KCNQ5: variants seen among roughly 807,000 people sequenced by gnomAD.
KCNQ5 encodes potassium voltage-gated channel subfamily Q member 5, also known as potassium voltage-gated channel subfamily KQT member 5.
A neutral mutation model predicts 98.2 loss-of-function variants in KCNQ5; 30 were observed. The ratio of observed to expected loss-of-function variants is 0.31; its 90% CI spans 0.23 to 0.41. KCNQ5 has a LOEUF of 0.41. Among genes scored for constraint, KCNQ5 ranks in the 10% least tolerant of loss-of-function variants. The pLI, the probability that KCNQ5 is intolerant of heterozygous loss-of-function variation, is 1.00. For synonymous variants in KCNQ5, 458 were observed against 449.4 expected (o/e 1.02, Z -0.24); for missense variants, 835 against 1,182.5 (o/e 0.71, Z 4.31).
intron 2 of KCNQ5, among the ~76,000 whole-genome samples, chr6:73,015,744 T>C (rs1314625283): frequency 6.6e-6 from 1 of 152,144 alleles, no homozygotes; most frequent in East Asian, 1.9e-4. Context: ...CAAGGTAGTA[T>C]GATAAATTTT....
chr6:72,711,580 G>T (rs878934884), intron 1 of KCNQ5, among the ~76,000 whole-genome samples: 1 of 152,076 alleles, frequency 6.6e-6, no homozygotes, highest in Admixed American at 6.6e-5. Context: ...GAAGGATTTT[G>T]GCCTTTATCC....
At chr6:72,792,435 T>C (rs1326298907) in intron 1 of KCNQ5, among the ~76,000 whole-genome samples, 2 of 152,204 alleles carry the variant, frequency 1.3e-5, no homozygotes, top group Non-Finnish European at 1.5e-5. Context: ...TCATAGGTCT[T>C]TTACAGTTAA....
intron 1 of KCNQ5, among the ~76,000 whole-genome samples, chr6:73,000,253 G>T (rs1371485380): frequency 6.6e-6 from 1 of 152,168 alleles, no homozygotes; most frequent in South Asian, 2.1e-4. Context: ...GGGTCACTCT[G>T]TGTCAGTTCA....
chr6:72,699,980 T>C (rs935906406), intron 1 of KCNQ5, among the ~76,000 whole-genome samples: 2 of 152,180 alleles, frequency 1.3e-5, no homozygotes, highest in South Asian at 4.1e-4. Context: ...AAAATAAGGA[T>C]AAGAACTAGA....
At chr6:72,640,489 A>C (rs2098926643) in intron 1 of KCNQ5, among the ~76,000 whole-genome samples, 1 of 152,228 alleles carries the variant, frequency 6.6e-6, no homozygotes, top group Non-Finnish European at 1.5e-5. Flanking sequence ...TTATTTAACA[A>C]CAACATTGTA....
At chr6:72,679,345 T>C (rs1330374366) in intron 1 of KCNQ5, among the ~76,000 whole-genome samples, 1 of 152,006 alleles carries the variant, frequency 6.6e-6, no homozygotes, top group African/African-American at 2.4e-5. Context: ...AAAGATAGAC[T>C]GGATTAAGAA....
chr6:73,109,409 ACACATATATG>A (rs1375618356), intron 6 of KCNQ5, among the ~76,000 whole-genome samples: 3 of 152,256 alleles, frequency 2.0e-5, no homozygotes, highest in Non-Finnish European at 2.9e-5. Context: ...AGTGGATTAT[ACACATATATG>A]CACATAAATG....
chr6:72,930,229 G>C (rs1353728642), intron 1 of KCNQ5, among the ~76,000 whole-genome samples: 1 of 151,078 alleles, frequency 6.6e-6, no homozygotes, highest in Non-Finnish European at 1.5e-5. Flanking sequence ...AATTCATTGT[G>C]AAGGATTTCA....
intron 2 of KCNQ5, among the ~76,000 whole-genome samples, chr6:73,016,856 G>C (rs896266696): frequency 2.0e-5 from 3 of 152,080 alleles, no homozygotes; most frequent in Admixed American, 6.6e-5. Flanking sequence ...CAGGTTACCT[G>C]CCTCCTGCCA....
chr6:72,792,981 C>T (rs746114519), intron 1 of KCNQ5, among the ~76,000 whole-genome samples: 8 of 152,138 alleles, frequency 5.3e-5, no homozygotes, highest in Non-Finnish European at 1.2e-4. Context: ...AATAGAATTA[C>T]CCACCTCCTG....
intron 1 of KCNQ5, among the ~76,000 whole-genome samples, chr6:72,811,044 A>G (rs76369079): frequency 0.04 from 6,119 of 152,258 alleles, 400 homozygotes; most frequent in African/African-American, 0.14. Context: ...CTTCTTGCCT[A>G]AAACTCATGC....
intron 1 of KCNQ5, among the ~76,000 whole-genome samples, chr6:72,893,625 G>A (rs2150185180): frequency 6.6e-6 from 1 of 152,266 alleles, no homozygotes; most frequent in South Asian, 2.1e-4. Context: ...GATATCCTTT[G>A]TATATGAATT....
At chr6:72,815,175 G>A (rs2150108436) in intron 1 of KCNQ5, among the ~76,000 whole-genome samples, 2 of 152,252 alleles carry the variant, frequency 1.3e-5, no homozygotes, top group South Asian at 4.1e-4. Context: ...TATAGAGTCA[G>A]GTGGGTGATA....
At chr6:72,888,126 C>T (rs1198523528) in intron 1 of KCNQ5, among the ~76,000 whole-genome samples, 1 of 152,054 alleles carries the variant, frequency 6.6e-6, no homozygotes, top group Non-Finnish European at 1.5e-5. Flanking sequence ...ACGGTTAATA[C>T]ATAAAGTAAA....
intron 1 of KCNQ5, among the ~76,000 whole-genome samples, chr6:72,901,140 G>A (rs71573566): frequency 6.8e-5 from 3 of 44,218 alleles, no homozygotes; most frequent in South Asian, 6.8e-4. Flanking sequence ...CCCCTCCCCC[G>A]ACCCCACAAC....
intron 1 of KCNQ5, among the ~76,000 whole-genome samples, chr6:72,752,437 G>A (rs562129426): frequency 7.9e-5 from 12 of 152,194 alleles, no homozygotes; most frequent in African/African-American, 2.9e-4. Flanking sequence ...AAACAGCCTA[G>A]GTACAGATTT....
At chr6:73,038,937 G>A (rs922519956) in intron 2 of KCNQ5, among the ~76,000 whole-genome samples, 10 of 152,046 alleles carry the variant, frequency 6.6e-5, no homozygotes, top group African/African-American at 2.4e-4. Context: ...TTATTTAAAT[G>A]TCTGGTTGAT....
At chr6:73,014,894 A>T (rs1007512568) in intron 2 of KCNQ5, among the ~76,000 whole-genome samples, 3 of 152,058 alleles carry the variant, frequency 2.0e-5, no homozygotes, top group Non-Finnish European at 4.4e-5. Context: ...CACTTCCTAT[A>T]TACCAGTATT....
chr6:73,037,107 T>C (rs1358281671), intron 2 of KCNQ5, among the ~76,000 whole-genome samples: 1 of 152,238 alleles, frequency 6.6e-6, no homozygotes, highest in Non-Finnish European at 1.5e-5. Context: ...TGGCTAATGA[T>C]GTCAAATAAC....
Sources: gnomAD v4.1 joint callset for allele counts (sites outside exome capture counted in the v4.1 genomes callset) on GRCh38, gnomAD v4.1.1 for gene constraint, MANE v1.5 for transcripts, NCBI Gene and HGNC (gene_info 2026-07-23, HGNC 2026-07-21) for gene names.